The following SVOP variants were observed in gnomAD, a reference collection of about 807,000 sequenced individuals.
SVOP encodes SV2 related protein, also known as synaptic vesicle 2-related protein.
SVOP carries 17 observed loss-of-function variants against 69.1 expected under a neutral mutation model. The ratio of observed to expected loss-of-function variants is 0.25; its 90% CI spans 0.17 to 0.37. The LOEUF (loss-of-function observed/expected upper bound fraction) is 0.37. Among genes scored for constraint, SVOP ranks in the 10% least tolerant of loss-of-function variants. The pLI, the probability that SVOP is intolerant of heterozygous loss-of-function variation, is 1.00. For synonymous variants in SVOP, 238 were observed against 238.6 expected (o/e 1.00, Z 0.02); for missense variants, 435 against 597.5 (o/e 0.73, Z 2.84).
intron 2 of SVOP, among the ~76,000 whole-genome samples, chr12:108,980,181 A>AT (rs1227907796): frequency 7.6e-6 from 1 of 131,848 alleles, no homozygotes; most frequent in African/African-American, 3.1e-5. Context: ...CTGTCTCAAA[A>AT]TAAAAAAAAT....
At chr12:108,982,308 T>C (rs2040140775) in intron 2 of SVOP, among the ~76,000 whole-genome samples, 1 of 147,712 alleles carries the variant, frequency 6.8e-6, no homozygotes, top group African/African-American at 2.6e-5. Flanking sequence ...ACCACCACCA[T>C]CATTTTCATC....
chr12:108,929,584 C>T (rs2039803057), intron 11 of SVOP, among the ~76,000 whole-genome samples: 2 of 152,252 alleles, frequency 1.3e-5, no homozygotes, highest in Middle Eastern at 3.4e-3. Flanking sequence ...GCTGGGATTA[C>T]GAGTATGAGC....
intron 2 of SVOP, among the ~76,000 whole-genome samples, chr12:108,982,965 A>T (rs2040148879): frequency 1.3e-5 from 2 of 150,918 alleles, no homozygotes; most frequent in South Asian, 2.1e-4. Context: ...CACCATCATC[A>T]TCATCATAAT....
intron 1 of SVOP, among the ~76,000 whole-genome samples, chr12:108,998,941 G>C (rs1457207952): frequency 2.7e-5 from 4 of 148,550 alleles, no homozygotes; most frequent in Non-Finnish European, 6.0e-5. Context: ...ATAATGACAG[G>C]ATCAAATTCA....
At chr12:109,008,860 G>T (rs1414897999) in intron 1 of SVOP, among the ~76,000 whole-genome samples, 2 of 152,042 alleles carry the variant, frequency 1.3e-5, no homozygotes, top group East Asian at 3.9e-4. Context: ...GGCCTCAGCA[G>T]AGAGGAGTGG....
chr12:108,912,994 A>G (rs920823898), intron 15 of SVOP, among the ~76,000 whole-genome samples: 19 of 152,076 alleles, frequency 1.2e-4, no homozygotes, highest in Non-Finnish European at 2.6e-4. Context: ...CCATGCTTGT[A>G]CAGCCTGCAG....
intron 8 of SVOP, among the ~76,000 whole-genome samples, chr12:108,939,659 A>G (rs1171724406): frequency 6.6e-6 from 1 of 152,192 alleles, no homozygotes; most frequent in East Asian, 1.9e-4. Context: ...TTTCTCATCA[A>G]TAAAAAGAGG....
At chr12:109,013,391 CCTT>C (rs1178776038) in intron 1 of SVOP, among the ~76,000 whole-genome samples, 1 of 150,186 alleles carries the variant, frequency 6.7e-6, no homozygotes, top group Non-Finnish European at 1.5e-5. Flanking sequence ...ACCGTCTTAA[CCTT>C]TTTTTTTTTT....
At chr12:108,928,184 G>T (rs569881903) in intron 11 of SVOP, among the ~76,000 whole-genome samples, 3 of 152,178 alleles carry the variant, frequency 2.0e-5, no homozygotes, top group Non-Finnish European at 2.9e-5. Flanking sequence ...GATTACAGGT[G>T]TGAGCCACCA....
Position 108,940,862 on chromosome 12 carries a change from G to A in SVOP, c.690C>T (p.Phe230=), listed in dbSNP as rs778810173. 198 of 1,537,108 alleles carry A rather than the reference G, an allele frequency of 1.3e-4. No individual in the cohort carries two copies. Among genetic ancestry groups the A allele is most frequent in the Middle Eastern group, 3.3e-4 (2 of 5,984 alleles). ...AACGCCAGCCCAGGCTGGGCATCAC[G>A]AACACAGCCAGGACGACCTCGAACA... ...GTVFEVVLAV[F]VMPSLGWRWL... Residue 230 remains phenylalanine (F), a synonymous_variant, in exon 8 of 16, where the codon TTC becomes TTT. Transcript: ENST00000610966.
At chr12:108,923,870 T>G (rs1037076183) in intron 11 of SVOP, among the ~76,000 whole-genome samples, 1 of 152,264 alleles carries the variant, frequency 6.6e-6, no homozygotes, top group Middle Eastern at 3.4e-3. Flanking sequence ...GAAGGATGAA[T>G]GCTACATTGC....
At chr12:108,928,167 G>T (rs2039793371) in intron 11 of SVOP, among the ~76,000 whole-genome samples, 1 of 152,064 alleles carries the variant, frequency 6.6e-6, no homozygotes, top group Non-Finnish European at 1.5e-5. Flanking sequence ...GCCTCCCAAA[G>T]TGCTGGGATT....
intron 11 of SVOP, among the ~76,000 whole-genome samples, chr12:108,930,853 TG>T (rs2039813065): frequency 6.6e-6 from 1 of 152,204 alleles, no homozygotes; most frequent in Non-Finnish European, 1.5e-5. Context: ...AACTTTAGGC[TG>T]AACTTAAAAT....
chr12:109,003,886 G>T (rs1337160787), intron 1 of SVOP, among the ~76,000 whole-genome samples: 1 of 152,198 alleles, frequency 6.6e-6, no homozygotes, highest in African/African-American at 2.4e-5. Flanking sequence ...GGGATTACAG[G>T]CGTGAGCCAC....
chr12:108,974,756 T>G (rs2040097757), intron 4 of SVOP, among the ~76,000 whole-genome samples: 1 of 151,586 alleles, frequency 6.6e-6, no homozygotes, highest in Non-Finnish European at 1.5e-5. Context: ...TAAGGTAAAA[T>G]TATATGGAGA....
chr12:108,953,485 A>G (rs1452587555), intron 6 of SVOP, among the ~76,000 whole-genome samples: 2 of 152,192 alleles, frequency 1.3e-5, no homozygotes, highest in African/African-American at 4.8e-5. Flanking sequence ...AGTACATTAC[A>G]AGGACTTCTG....
chr12:108,920,165 C>T (rs10778665), intron 12 of SVOP, among the ~76,000 whole-genome samples: 55,071 of 152,026 alleles, frequency 0.36, 10,577 homozygotes, highest in South Asian at 0.58. Context: ...TGGATCCTGC[C>T]CCAGCTGAGC....
chr12:109,002,597 G>C (rs1359858109), intron 1 of SVOP, among the ~76,000 whole-genome samples: 1 of 151,120 alleles, frequency 6.6e-6, no homozygotes, highest in Non-Finnish European at 1.5e-5. Flanking sequence ...AGAAAATGTG[G>C]CACATGTACA....
chr12:108,963,671 G>A (rs1593192603), intron 5 of SVOP, among the ~76,000 whole-genome samples: 3 of 151,980 alleles, frequency 2.0e-5, no homozygotes, highest in East Asian at 1.9e-4. Flanking sequence ...ACTTTTGGTA[G>A]AGTAAGTGTT....
Sources: allele counts gnomAD v4.1 joint callset (sites outside exome capture counted in the v4.1 genomes callset), GRCh38; gene constraint gnomAD v4.1.1; transcripts MANE v1.5; gene names NCBI Gene and HGNC (gene_info 2026-07-23, HGNC 2026-07-21).